The following ENTHD1 variants were observed in gnomAD, a reference collection of about 807,000 sequenced individuals.
ENTHD1 encodes ENTH domain-containing protein 1.
In ENTHD1, 23 loss-of-function variants were observed where a neutral mutation model predicts 39.1. The observed-to-expected ratio is 0.59, with a 90% CI of 0.42 to 0.83. The LOEUF is 0.83. Among genes scored for constraint, ENTHD1 ranks in the 40% least tolerant of loss-of-function variants. The pLI, the probability that ENTHD1 is intolerant of heterozygous loss-of-function variation, is 0.00. For missense variants in ENTHD1, 624 were observed against 705.4 expected, an observed-to-expected ratio of 0.88 and a Z score of 1.31; for synonymous variants, 230 against 258.2, an observed-to-expected ratio of 0.89 and a Z score of 1.05.
At chr22:39,795,236 C>T (rs1341606731) in intron 5 of ENTHD1, among the ~76,000 whole-genome samples, 2 of 152,086 alleles carry the variant, frequency 1.3e-5, no homozygotes, top group Non-Finnish European at 2.9e-5. Context: ...TTTGTCGTGT[C>T]ATTCTCTGGC....
At chr22:39,862,096 A>G in intron 2 of ENTHD1, 89 bp from the exon 3 acceptor site, 1 of 1,105,762 alleles carries the variant, frequency 9.0e-7, no homozygotes, top group South Asian at 3.5e-5. Flanking sequence ...TTTAAAAATA[A>G]AAATCTCAGC....
chr22:39,836,262 T>C (rs1258786704), intron 3 of ENTHD1, among the ~76,000 whole-genome samples: 1 of 152,164 alleles, frequency 6.6e-6, no homozygotes, highest in East Asian at 1.9e-4. Context: ...ATTGACTGCA[T>C]ACTAACAATA....
intron 5 of ENTHD1, among the ~76,000 whole-genome samples, chr22:39,814,551 T>C (rs2065719159): frequency 6.6e-6 from 1 of 152,202 alleles, no homozygotes; most frequent in South Asian, 2.1e-4. Flanking sequence ...TATTTATCAA[T>C]GCAGGGTTGG....
chr22:39,810,087 C>A (rs2065673625), intron 5 of ENTHD1, among the ~76,000 whole-genome samples: 1 of 152,106 alleles, frequency 6.6e-6, no homozygotes, highest in African/African-American at 2.4e-5. Context: ...GTTCACAGAG[C>A]AAGAACTTCT....
intron 4 of ENTHD1, among the ~76,000 whole-genome samples, chr22:39,826,697 G>T (rs1430641909): frequency 2.6e-5 from 4 of 152,060 alleles, no homozygotes; most frequent in Non-Finnish European, 5.9e-5. Flanking sequence ...AATGTAGATT[G>T]ATTGATTGTA....
intron 5 of ENTHD1, among the ~76,000 whole-genome samples, chr22:39,793,671 G>A (rs542957382): frequency 5.3e-5 from 8 of 151,622 alleles, no homozygotes; most frequent in Non-Finnish European, 7.4e-5. Flanking sequence ...TCATCCTTCC[G>A]CATATGGATA....
chr22:39,862,980 CAT>C (rs1336346005), intron 2 of ENTHD1, among the ~76,000 whole-genome samples: 1 of 152,192 alleles, frequency 6.6e-6, no homozygotes, highest in Non-Finnish European at 1.5e-5. Flanking sequence ...CCTTCTGTCA[CAT>C]GAGGACACAG....
At chr22:39,776,262 T>A (rs1181753420) in intron 5 of ENTHD1, among the ~76,000 whole-genome samples, 1 of 152,226 alleles carries the variant, frequency 6.6e-6, no homozygotes, top group Non-Finnish European at 1.5e-5. Flanking sequence ...ACTGATTGTT[T>A]CATGAGGACT....
At position 39,867,006 on chromosome 22, in the gene ENTHD1, G is replaced by A. The variant is rs769968942; in HGVS notation, c.350-4999C>T. Among the ~76,000 whole-genome samples, 2 of 152,044 alleles carry A rather than the reference G, an allele frequency of 1.3e-5. No individual in the cohort carries two copies. The highest frequency in any genetic ancestry group is 2.9e-5 in the Non-Finnish European group (2 of 68,022). ...CCAGCTCTGCCTCCTGGGTTCAAGC[G>A]ATTCTCCTGCCTCAGCCTCCGGAGT... On this transcript the variant is annotated intron_variant, in intron 2 of 6. Coordinates refer to ENST00000325157, the MANE Select transcript of ENTHD1 (RefSeq NM_152512.4). This position sits in a 1 kb window ranked among gnomAD's most constrained non-coding sequence, Gnocchi z 4.5.
At chr22:39,873,695 A>G (rs1169998643) in intron 2 of ENTHD1, among the ~76,000 whole-genome samples, 1 of 152,226 alleles carries the variant, frequency 6.6e-6, no homozygotes, top group African/African-American at 2.4e-5. Flanking sequence ...GAAATACTCT[A>G]TTATTAAAAT....
intron 2 of ENTHD1, among the ~76,000 whole-genome samples, chr22:39,872,719 T>C (rs1279529540): frequency 6.6e-6 from 1 of 152,192 alleles, no homozygotes; most frequent in Non-Finnish European, 1.5e-5. Context: ...TGGGGAGTAT[T>C]ATACTAATAC....
Position 39,753,612 on chromosome 22 carries a change from A to G in ENTHD1, c.1220-9329T>C, listed in dbSNP as rs541230415. ...AATGCCAGACCTGGACCCTTCATAT[A>G]AACAAATACTTCTTAAAACAAAACT... is the stretch of plus-strand genomic sequence containing the variant. On this transcript the variant is annotated intron_variant, in intron 6 of 6. Coordinates refer to ENST00000325157, the MANE Select transcript of ENTHD1 (RefSeq NM_152512.4). 3.9e-5 allele frequency among the ~76,000 whole-genome samples: 6 copies of G among 152,312 alleles called. No individual in the cohort carries two copies. The South Asian group carries it at 1.2e-3, about 32-fold the overall frequency.
intron 5 of ENTHD1, among the ~76,000 whole-genome samples, chr22:39,812,877 G>A (rs2065702875): frequency 6.6e-6 from 1 of 152,138 alleles, no homozygotes; most frequent in African/African-American, 2.4e-5. Context: ...CTGCCTCCCA[G>A]GCTCAAGCAA....
chr22:39,765,381 G>A lies in ENTHD1; in HGVS notation c.1061C>T (p.Ser354Phe). ...TACAGAGGCCTGGTTATGGAAAGTA[G>A]AATCTGACTTTGATACCCTTAAGTC... ...SPDLRVSKSD[S>F]TFHNQASVET... The change falls in exon 6 of 7, where the codon TCT becomes TTT. Residue 354 changes from serine to phenylalanine, a missense_variant. Coordinates refer to ENST00000325157, the MANE Select transcript of ENTHD1 (RefSeq NM_152512.4). The A allele has an allele frequency of 6.2e-7, 1 of 1,614,024 alleles. No homozygotes were observed. The highest frequency in any genetic ancestry group is 8.5e-7 in the Non-Finnish European group (1 of 1,179,980).
intron 5 of ENTHD1, among the ~76,000 whole-genome samples, chr22:39,818,230 C>A (rs1303902231): frequency 2.6e-5 from 4 of 152,156 alleles, no homozygotes; most frequent in Non-Finnish European, 4.4e-5. Context: ...ACTGAGGCCT[C>A]CAGCCGATAG....
chr22:39,876,682 T>C (rs1426624969), intron 2 of ENTHD1, among the ~76,000 whole-genome samples: 1 of 152,200 alleles, frequency 6.6e-6, no homozygotes, highest in Non-Finnish European at 1.5e-5. Flanking sequence ...AAGATTTAAG[T>C]ATGTCATAAT....
intron 6 of ENTHD1, among the ~76,000 whole-genome samples, chr22:39,764,105 A>C (rs1248210238): frequency 2.6e-5 from 4 of 152,216 alleles, no homozygotes; most frequent in African/African-American, 9.6e-5. Flanking sequence ...CTTTAACTTC[A>C]ACATGGTGGC....
At chr22:39,760,447 A>C (rs2065223882) in intron 6 of ENTHD1, among the ~76,000 whole-genome samples, 1 of 151,908 alleles carries the variant, frequency 6.6e-6, no homozygotes, top group African/African-American at 2.4e-5. Context: ...AGCTACTCCC[A>C]CTTTATTATG....
intron 2 of ENTHD1, among the ~76,000 whole-genome samples, chr22:39,864,971 CAT>C (rs1181848573): frequency 6.6e-6 from 1 of 152,164 alleles, no homozygotes; most frequent in Non-Finnish European, 1.5e-5. Flanking sequence ...TTCTTCTTGA[CAT>C]AGTGTAACTG....
Sources: gnomAD v4.1 joint callset for allele counts (sites outside exome capture counted in the v4.1 genomes callset) on GRCh38, gnomAD v4.1.1 for gene constraint, Gnocchi (gnomAD v3.1) non-coding constraint, MANE v1.5 for transcripts, NCBI Gene and HGNC (gene_info 2026-07-23, HGNC 2026-07-21) for gene names.